The following PTPRZ1 variants were observed in gnomAD, a reference collection of about 807,000 sequenced individuals.
The protein encoded by PTPRZ1 is receptor-type tyrosine-protein phosphatase zeta.
A neutral mutation model predicts 214.1 loss-of-function variants in PTPRZ1; 82 were observed. The ratio of observed to expected loss-of-function variants is 0.38; its 90% CI spans 0.32 to 0.46. The LOEUF (loss-of-function observed/expected upper bound fraction) is 0.46, where lower values mean the gene tolerates loss of function less well. Ranked by LOEUF, PTPRZ1 falls within the 20% of genes least tolerant of loss-of-function variation. PTPRZ1 has a pLI of 1.00. For missense variants in PTPRZ1, 2,603 were observed against 2,748.7 expected (o/e 0.95, Z 1.19); for synonymous variants, 945 against 987.9 (o/e 0.96, Z 0.81).
chr7:122,008,442 G>C (rs796499390), intron 11 of PTPRZ1, among the ~76,000 whole-genome samples: 10 of 152,196 alleles, frequency 6.6e-5, no homozygotes, highest in African/African-American at 2.4e-4. Flanking sequence ...ACTCAATTAT[G>C]TTCAATTCCC....
intron 2 of PTPRZ1, among the ~76,000 whole-genome samples, chr7:121,955,458 TTTG>T (rs1563035714): frequency 2.0e-5 from 3 of 150,366 alleles, no homozygotes; most frequent in Admixed American, 6.6e-5. Context: ...TGTTTGTTTG[TTTG>T]TTTTGTTCTG....
At chr7:122,037,307 G>A (rs1269894999) in intron 18 of PTPRZ1, among the ~76,000 whole-genome samples, 1 of 152,112 alleles carries the variant, frequency 6.6e-6, no homozygotes, top group African/African-American at 2.4e-5. Flanking sequence ...GCAGGGCCAA[G>A]GCTTATTTTA....
In PTPRZ1 at chr7:122,028,566, C is replaced by T. The variant is rs1311901012; in HGVS notation, c.5003C>T (p.Thr1668Ile). Residue 1668 changes from threonine to isoleucine, a missense_variant, in exon 14 of 30, where the codon ACT becomes ATT. Physicochemically the swap from Thr to Ile is moderately conservative, Grantham distance 89. Coordinates refer to ENST00000393386, the MANE Select transcript of PTPRZ1 (RefSeq NM_002851.3). Reference sequence around the variant, plus strand: ...TTTATTTCCAGGAAATGCTTCCAGACTGCACACTTTTACTTAGAGGACAGT... The same window carrying T: ...TTTATTTCCAGGAAATGCTTCCAGATTGCACACTTTTACTTAGAGGACAGT... ...ILIYWRKCFQ[T>I]AHFYLEDSTS... 2.0e-5 allele frequency: 31 copies of T among 1,537,820 alleles called. No individual in the cohort carries two copies. Among genetic ancestry groups the T allele is most frequent in the Non-Finnish European group, 2.6e-5 (29 of 1,111,264 alleles).
chr7:122,044,827 G>A (rs934826460), intron 23 of PTPRZ1, among the ~76,000 whole-genome samples: 1 of 152,040 alleles, frequency 6.6e-6, no homozygotes, highest in Non-Finnish European at 1.5e-5. Context: ...GAGAAAAGAA[G>A]GGCACAGAGC....
At chr7:121,935,543 T>TG (rs757120318) in intron 2 of PTPRZ1, among the ~76,000 whole-genome samples, 1,477 of 93,090 alleles carry the variant, frequency 0.016, 13 homozygotes, top group African/African-American at 0.046. Flanking sequence ...TTTGGGGTTT[T>TG]TTTTGTTTGT....
At chr7:121,949,904 T>A (rs1447196322) in intron 2 of PTPRZ1, among the ~76,000 whole-genome samples, 1 of 152,212 alleles carries the variant, frequency 6.6e-6, no homozygotes. Flanking sequence ...CAAAGGTATT[T>A]AAATATAAGT....
intron 1 of PTPRZ1, among the ~76,000 whole-genome samples, chr7:121,905,190 A>G (rs1353651821): frequency 1.3e-5 from 2 of 152,136 alleles, no homozygotes; most frequent in Non-Finnish European, 2.9e-5. Context: ...AATCACTGCT[A>G]TTGGTCCTTG....
intron 10 of PTPRZ1, among the ~76,000 whole-genome samples, chr7:122,003,079 G>A (rs373607045): frequency 1.3e-5 from 2 of 152,194 alleles, no homozygotes; most frequent in East Asian, 1.9e-4. Flanking sequence ...TTTGCATGGC[G>A]ATTACAAAGA....
chr7:121,937,145 T>G (rs1247535610), intron 2 of PTPRZ1, among the ~76,000 whole-genome samples: 4 of 152,186 alleles, frequency 2.6e-5, no homozygotes, highest in Non-Finnish European at 4.4e-5. Flanking sequence ...ACGTATTCAT[T>G]CTTCAATTGC....
chr7:121,884,265 A>G (rs1442500134), intron 1 of PTPRZ1, among the ~76,000 whole-genome samples: 2 of 152,156 alleles, frequency 1.3e-5, no homozygotes, highest in Non-Finnish European at 2.9e-5. Context: ...ATACATTTAT[A>G]TAAGTATGTT....
chr7:121,906,947 TTA>T (rs1242668944), intron 1 of PTPRZ1, among the ~76,000 whole-genome samples: 1 of 146,108 alleles, frequency 6.8e-6, no homozygotes, highest in Non-Finnish European at 1.5e-5. Context: ...AATGGTATAC[TTA>T]TATATTATGT....
At chr7:121,976,641 C>T in intron 5 of PTPRZ1, 144 bp from the exon 6 acceptor site, 2 of 599,756 alleles carry the variant, frequency 3.3e-6, no homozygotes, top group Non-Finnish European at 5.4e-6. Context: ...TATTTGTTTT[C>T]ACCTAGCTAT....
At chr7:122,018,549 A>G (rs920721011) in intron 12 of PTPRZ1, among the ~76,000 whole-genome samples, 3 of 151,994 alleles carry the variant, frequency 2.0e-5, no homozygotes, top group African/African-American at 7.3e-5. Flanking sequence ...AATGGGTAAG[A>G]AGAACATTCA....
In PTPRZ1 at chr7:122,039,414, A is replaced by T. The variant is rs1410687324; in HGVS notation, c.5503-40A>T. On this transcript the variant is annotated intron_variant, in intron 19 of 29. Transcript: ENST00000393386. ...TCAGGGAATGACTTTTACATGGAGC[A>T]TTTGAAATACAGAAGTAACATCTAC... 4 of 1,601,894 alleles carry T rather than the reference A, an allele frequency of 2.5e-6. No individual in the cohort carries two copies. In the Admixed American group the frequency reaches 6.9e-5, roughly 28 times the overall value.
At chr7:121,951,388 G>C (rs1796536879) in intron 2 of PTPRZ1, among the ~76,000 whole-genome samples, 4 of 152,102 alleles carry the variant, frequency 2.6e-5, no homozygotes, top group Admixed American at 2.6e-4. Flanking sequence ...TAGTGAAAAA[G>C]AGTGATTTAT....
intron 2 of PTPRZ1, among the ~76,000 whole-genome samples, chr7:121,929,380 C>T (rs1795857103): frequency 6.6e-6 from 1 of 151,746 alleles, no homozygotes; most frequent in Non-Finnish European, 1.5e-5. Flanking sequence ...TATTATGTAA[C>T]CACTTCCTTA....
chr7:121,876,414 GTAT>G (rs1794063630), intron 1 of PTPRZ1, among the ~76,000 whole-genome samples: 1 of 152,116 alleles, frequency 6.6e-6, no homozygotes, highest in Non-Finnish European at 1.5e-5. Flanking sequence ...AAATGTTTAA[GTAT>G]TATTATTAAA....
Position 121,968,078 on chromosome 7 carries a change from T to A in PTPRZ1, c.252T>A (p.Gly84=). 2 of 1,608,038 alleles carry A rather than the reference T, an allele frequency of 1.2e-6. No individual in the cohort carries two copies. Among genetic ancestry groups the A allele is most frequent in the South Asian group, 1.1e-5 (1 of 89,678 alleles). Residue 84 remains glycine, a synonymous_variant, in exon 3 of 30, where the codon GGT becomes GGA. Coordinates refer to ENST00000393386, the MANE Select transcript of PTPRZ1 (RefSeq NM_002851.3). ...NVNLKKLKFQ[G]WDKTSLENTF... ...ATCTTAAGAAACTTAAATTTCAGGGTTGGGATAAAACATCATTGGAAAACA... is the reference window on the plus strand; with the variant it reads ...ATCTTAAGAAACTTAAATTTCAGGGATGGGATAAAACATCATTGGAAAACA...
At chr7:121,971,921 A>G (rs1214919398) in intron 3 of PTPRZ1, among the ~76,000 whole-genome samples, 1 of 152,142 alleles carries the variant, frequency 6.6e-6, no homozygotes, top group Non-Finnish European at 1.5e-5. Context: ...TAGTCAGATA[A>G]TATCTGCTGT....
Sources: allele counts gnomAD v4.1 joint callset (sites outside exome capture counted in the v4.1 genomes callset), GRCh38; gene constraint gnomAD v4.1.1; transcripts MANE v1.5; gene names NCBI Gene and HGNC (gene_info 2026-07-23, HGNC 2026-07-21).